The following PRKCB variants were observed in gnomAD, a reference collection of about 807,000 sequenced individuals.
The protein encoded by PRKCB is protein kinase C beta.
In PRKCB, 13 loss-of-function variants were observed where a neutral mutation model predicts 81.5. That is an observed-to-expected ratio of 0.16 (90% confidence interval 0.10 to 0.25). PRKCB has a LOEUF of 0.25. Ranked by LOEUF, PRKCB falls within the 10% of genes least tolerant of loss-of-function variation. The pLI is 1.00. For synonymous variants in PRKCB, 335 were observed against 321.4 expected (o/e 1.04, Z -0.45); for missense variants, 509 against 875.7 (o/e 0.58, Z 5.29).
At chr16:23,909,552 T>A (rs1047591497) in intron 2 of PRKCB, among the ~76,000 whole-genome samples, 6 of 152,212 alleles carry the variant, frequency 3.9e-5, no homozygotes, top group African/African-American at 7.2e-5. Flanking sequence ...CTGAGCTTTT[T>A]GAGTAACCAT....
intron 2 of PRKCB, among the ~76,000 whole-genome samples, chr16:23,912,615 C>G (rs745505504): frequency 7.1e-6 from 1 of 140,732 alleles, no homozygotes; most frequent in Admixed American, 7.5e-5. Flanking sequence ...TGGGTTCCAG[C>G]GATTCTCCTG....
At chr16:24,018,850 G>A (rs1012684613) in intron 3 of PRKCB, among the ~76,000 whole-genome samples, 1 of 152,174 alleles carries the variant, frequency 6.6e-6, no homozygotes, top group Non-Finnish European at 1.5e-5. Context: ...AATGTGCCAT[G>A]CGTGTGTAAT....
chr16:24,057,201 G>A (rs1251649659), intron 5 of PRKCB, among the ~76,000 whole-genome samples: 3 of 152,206 alleles, frequency 2.0e-5, no homozygotes, highest in African/African-American at 7.2e-5. Context: ...TTTTGGGAAT[G>A]GGAAGGGCCA....
At chr16:24,068,298 T>C (rs909873845) in intron 5 of PRKCB, among the ~76,000 whole-genome samples, 8 of 152,132 alleles carry the variant, frequency 5.3e-5, no homozygotes, top group African/African-American at 1.9e-4. Flanking sequence ...AGTTCACTTC[T>C]CTGCTCTTCC....
chr16:23,888,136 G>C (rs930578796), intron 2 of PRKCB, among the ~76,000 whole-genome samples: 1 of 152,198 alleles, frequency 6.6e-6, no homozygotes, highest in Non-Finnish European at 1.5e-5. Flanking sequence ...ACTACCTAGA[G>C]GAGGACTTCA....
In PRKCB at chr16:24,215,121, CT is replaced by C; in HGVS notation, c.*308del. The C allele has an allele frequency of 9.1e-7, 1 of 1,099,078 alleles. No homozygotes were observed. The highest frequency in any genetic ancestry group is 2.9e-5 in the South Asian group (1 of 34,658). 68.1% of individuals were successfully genotyped at this position (1,099,078 alleles called of 1,614,324 possible). ...AATGGGGAGAGAAAATGCCTGCTTT[CT>C]TTCCCTCTTTTTCTGCACTGCCATA... On this transcript the variant is annotated 3_prime_UTR_variant, in exon 17 of 17. Coordinates refer to ENST00000643927, the MANE Select transcript of PRKCB (RefSeq NM_002738.7).
chr16:23,979,956 A>G (rs985027632), intron 2 of PRKCB, among the ~76,000 whole-genome samples: 3 of 152,194 alleles, frequency 2.0e-5, no homozygotes, highest in African/African-American at 7.2e-5. Context: ...ATGGTGATGC[A>G]TGCCTGTAGT....
At chr16:24,080,613 C>T (rs192243623) in intron 5 of PRKCB, among the ~76,000 whole-genome samples, 2 of 152,136 alleles carry the variant, frequency 1.3e-5, no homozygotes, top group East Asian at 3.9e-4. Context: ...GTTGTACATA[C>T]AGTTGTAAAG....
intron 7 of PRKCB, chr16:24,098,775 A>C (rs1342916609): frequency 1.3e-5 from 2 of 152,230 alleles, no homozygotes; most frequent in Admixed American, 1.3e-4. Flanking sequence ...ATCTTTGCAG[A>C]CTAGGGAGGC....
At chr16:23,917,070 C>T (rs1461235138) in intron 2 of PRKCB, among the ~76,000 whole-genome samples, 1 of 151,878 alleles carries the variant, frequency 6.6e-6, no homozygotes, top group Admixed American at 6.6e-5. Context: ...GCCACTGCAC[C>T]CAATGTCTCA....
chr16:24,177,356 A>G (rs1031861652), intron 12 of PRKCB, among the ~76,000 whole-genome samples: 2 of 152,072 alleles, frequency 1.3e-5, no homozygotes, highest in African/African-American at 2.4e-5. Context: ...AACTAACTAC[A>G]CACTCTCCCT....
intron 5 of PRKCB, among the ~76,000 whole-genome samples, chr16:24,038,352 T>C (rs1033852100): frequency 1.3e-5 from 2 of 152,222 alleles, no homozygotes; most frequent in Non-Finnish European, 2.9e-5. Flanking sequence ...ATTTCATTTC[T>C]TTGGGATGTT....
chr16:24,011,309 T>C (rs1178720200), intron 3 of PRKCB, among the ~76,000 whole-genome samples: 3 of 152,214 alleles, frequency 2.0e-5, no homozygotes, highest in Admixed American at 6.5e-5. Flanking sequence ...GTTTCTGGGC[T>C]GAAATAGATT....
At chr16:24,211,980 C>T (rs765372144) in intron 16 of PRKCB, among the ~76,000 whole-genome samples, 38 of 152,292 alleles carry the variant, frequency 2.5e-4, no homozygotes, top group African/African-American at 4.1e-4. Context: ...TGAAGAAGAG[C>T]GTGCACCTCT....
chr16:23,858,865 C>T (rs1157920664), intron 2 of PRKCB, among the ~76,000 whole-genome samples: 1 of 152,028 alleles, frequency 6.6e-6, no homozygotes, highest in African/African-American at 2.4e-5. Context: ...GTCCACAGCA[C>T]CCTAGGAGGT....
chr16:23,915,179 T>G (rs990741199), intron 2 of PRKCB, among the ~76,000 whole-genome samples: 25 of 152,212 alleles, frequency 1.6e-4, no homozygotes, highest in Non-Finnish European at 2.5e-4. Context: ...TACACATTAC[T>G]GTTTACATGA....
chr16:24,211,302 C>T (rs969719528), intron 16 of PRKCB, among the ~76,000 whole-genome samples: 1 of 152,178 alleles, frequency 6.6e-6, no homozygotes, highest in African/African-American at 2.4e-5. Context: ...AGGAAACATA[C>T]GCTGTCTGTC....
intron 2 of PRKCB, among the ~76,000 whole-genome samples, chr16:23,926,302 T>C (rs892224920): frequency 6.6e-6 from 1 of 150,638 alleles, no homozygotes; most frequent in Non-Finnish European, 1.5e-5. Flanking sequence ...CTTGCCAACA[T>C]GGTGAAGCCC....
At chr16:24,011,997 G>A (rs11645594) in intron 3 of PRKCB, among the ~76,000 whole-genome samples, 4 of 152,230 alleles carry the variant, frequency 2.6e-5, no homozygotes, top group Admixed American at 2.6e-4. Context: ...TTAGGTCCTG[G>A]CTTCACTCCT....
Sources: allele counts gnomAD v4.1 joint callset (sites outside exome capture counted in the v4.1 genomes callset), GRCh38; gene constraint gnomAD v4.1.1; transcripts MANE v1.5; gene names NCBI Gene and HGNC (gene_info 2026-07-23, HGNC 2026-07-21).